Variants in PRDM1 observed in about 807,000 individuals in gnomAD.
The protein encoded by PRDM1 is PR/SET domain 1.
PRDM1 carries 13 observed loss-of-function variants against 62.8 expected under a neutral mutation model. That is an observed-to-expected ratio of 0.21 (90% CI 0.13 to 0.33). The LOEUF (loss-of-function observed/expected upper bound fraction) is 0.33. Among genes scored for constraint, PRDM1 ranks in the 10% least tolerant of loss-of-function variants. PRDM1 has a pLI of 1.00. For synonymous variants in PRDM1, 396 were observed against 417.6 expected (o/e 0.95, Z 0.63); for missense variants, 895 against 1,058.8 (o/e 0.85, Z 2.15).
rs774218047 is a variant in PRDM1, at chr6:106,099,394, G to T, written c.506G>T (p.Arg169Leu). 3 of 1,614,016 alleles carry T rather than the reference G, an allele frequency of 1.9e-6. No homozygotes were observed. The highest frequency in any genetic ancestry group is 2.5e-6 in the Non-Finnish European group (3 of 1,180,034). ...TATGTGAATCCAGCACACTCTCCCC[G>T]GGAGCAAAACCTGGCTGCGTGTCAG... ...MRYVNPAHSP[R>L]EQNLAACQNG... Residue 169 changes from arginine (R) to leucine (L), a missense_variant, in exon 4 of 7, where the codon CGG becomes CTG. Transcript: ENST00000369096.
intron 1 of PRDM1, among the ~76,000 whole-genome samples, chr6:106,074,800 C>T (rs1773576563): frequency 6.6e-6 from 1 of 152,164 alleles, no homozygotes; most frequent in Non-Finnish European, 1.5e-5. Flanking sequence ...CGTGGCGAAA[C>T]CCCATCTCTA....
At chr6:106,063,028 C>T (rs189465165) in intron 1 of PRDM1, among the ~76,000 whole-genome samples, 69 of 152,258 alleles carry the variant, frequency 4.5e-4, no homozygotes, top group Non-Finnish European at 3.4e-4. Flanking sequence ...CGTGGGTCCC[C>T]GCAGATTTAG....
At chr6:106,030,455 G>A (rs974702375) in intron 1 of PRDM1, among the ~76,000 whole-genome samples, 1 of 152,094 alleles carries the variant, frequency 6.6e-6, no homozygotes, top group African/African-American at 2.4e-5. Context: ...TTATAGCAGT[G>A]AGCCACCATA....
intron 2 of PRDM1, among the ~76,000 whole-genome samples, chr6:106,094,719 A>G (rs928009704): frequency 1.3e-5 from 2 of 151,948 alleles, no homozygotes; most frequent in East Asian, 3.9e-4. Context: ...GCTGGGCAAC[A>G]TGGTGAGACC....
At chr6:106,010,353 A>G (rs1463293823) in intron 1 of PRDM1, among the ~76,000 whole-genome samples, 1 of 152,252 alleles carries the variant, frequency 6.6e-6, no homozygotes, top group Non-Finnish European at 1.5e-5. Flanking sequence ...ATGCATAATC[A>G]TACATATTTT....
chr6:106,028,020 T>C (rs1332258401), intron 1 of PRDM1, among the ~76,000 whole-genome samples: 1 of 152,216 alleles, frequency 6.6e-6, no homozygotes, highest in East Asian at 1.9e-4. Flanking sequence ...TTATGTGCCT[T>C]GGAGAGCTCT....
Position 106,098,378 on chromosome 6 carries a change from A to T in PRDM1, c.412-922A>T, listed in dbSNP as rs1047264682. 4.1e-6 allele frequency: 4 copies of T among 985,264 alleles called. No individual in the cohort carries two copies. In the African/African-American group the frequency reaches 7.0e-5, roughly 17 times the overall value. The allele number at this position is 985,264 out of a possible 1,614,324, so 61.0% of individuals were successfully genotyped here. ...TTTCTTCTTCCTCTGCCTCTTTGCC[A>T]AGTAGCCTGAGTGCATCTGTTATCC... On this transcript the variant is annotated intron_variant, in intron 3 of 6. Coordinates refer to ENST00000369096, the MANE Select transcript of PRDM1 (RefSeq NM_001198.4).
intron 1 of PRDM1, among the ~76,000 whole-genome samples, chr6:106,003,974 G>C (rs1483477226): frequency 2.0e-5 from 3 of 152,138 alleles, no homozygotes; most frequent in Non-Finnish European, 2.9e-5. Flanking sequence ...ACCTTTCCTT[G>C]TGTAGGTATA....
chr6:106,017,127 C>T (rs1772632305), intron 1 of PRDM1, among the ~76,000 whole-genome samples: 1 of 152,036 alleles, frequency 6.6e-6, no homozygotes, highest in African/African-American at 2.4e-5. Context: ...TAATTGACTG[C>T]TTATGTTATT....
intron 1 of PRDM1, among the ~76,000 whole-genome samples, chr6:106,072,998 G>A (rs1182927835): frequency 6.6e-6 from 1 of 152,116 alleles, no homozygotes; most frequent in African/African-American, 2.4e-5. Flanking sequence ...TTCACCATGT[G>A]GCAATTAACA....
At chr6:106,029,496 A>G (rs575579070) in intron 1 of PRDM1, among the ~76,000 whole-genome samples, 47 of 152,354 alleles carry the variant, frequency 3.1e-4, no homozygotes, top group African/African-American at 9.6e-4. Flanking sequence ...TTCACTCAGT[A>G]TAATGATTTT....
At chr6:106,021,897 G>A (rs1772701038) in intron 1 of PRDM1, among the ~76,000 whole-genome samples, 1 of 152,232 alleles carries the variant, frequency 6.6e-6, no homozygotes, top group African/African-American at 2.4e-5. Flanking sequence ...TGGGATTACA[G>A]GCGTGAGCCA....
intron 1 of PRDM1, among the ~76,000 whole-genome samples, chr6:106,069,087 A>G (rs1203831194): frequency 6.6e-6 from 1 of 152,178 alleles, no homozygotes; most frequent in Non-Finnish European, 1.5e-5. Context: ...TTGGATGGTC[A>G]CTTTGCCTCT....
At chr6:106,007,441 A>G (rs1313140291) in intron 1 of PRDM1, among the ~76,000 whole-genome samples, 1 of 148,574 alleles carries the variant, frequency 6.7e-6, no homozygotes, top group Non-Finnish European at 1.5e-5. Context: ...AAAGAAAAAA[A>G]ACATTATTTG....
At chr6:106,037,521 T>A (rs184894143) in intron 1 of PRDM1, among the ~76,000 whole-genome samples, 7 of 152,294 alleles carry the variant, frequency 4.6e-5, no homozygotes, top group Admixed American at 4.6e-4. Flanking sequence ...CACAGGTCCC[T>A]TAGGCTCTTC....
rs1266731910 is a variant in PRDM1 at position 106,106,791 on chromosome 6, G to A, written c.1903-120G>A. 2.6e-6 allele frequency: 3 copies of A among 1,166,756 alleles called. No individual in the cohort carries two copies. The highest frequency in any genetic ancestry group is 3.6e-6 in the Non-Finnish European group (3 of 827,420). The allele number at this position is 1,166,756 out of a possible 1,614,324, so 72.3% of individuals were successfully genotyped here. On this transcript the variant is annotated intron_variant, in intron 6 of 6. Transcript: ENST00000369096. The surrounding 1 kb of genome is among the most constrained non-coding windows in gnomAD (Gnocchi z 4.4). The stretch of plus-strand genomic sequence containing the variant: ...TACCACACTGGAGGTGCCACAAGGA[G>A]GCTTCTCACCTCCTAGGTTGCTGGG...
At chr6:106,087,967 A>C in intron 1 of PRDM1, 1 of 254,748 alleles carries the variant, frequency 3.9e-6, no homozygotes, top group Non-Finnish European at 7.1e-6. Context: ...CCCCACAGTG[A>C]GGTTGCCACA....
intron 1 of PRDM1, among the ~76,000 whole-genome samples, chr6:106,066,318 A>G (rs1266529122): frequency 6.6e-6 from 1 of 152,188 alleles, no homozygotes; most frequent in Non-Finnish European, 1.5e-5. Flanking sequence ...CTAGCTGATC[A>G]TGTTTAAATG....
chr6:106,027,023 C>T (rs1419541785), intron 1 of PRDM1, among the ~76,000 whole-genome samples: 1 of 152,194 alleles, frequency 6.6e-6, no homozygotes. Context: ...TCTCTCAGCC[C>T]CCAGTACTCC....
Sources: allele counts gnomAD v4.1 joint callset (sites outside exome capture counted in the v4.1 genomes callset), GRCh38; gene constraint gnomAD v4.1.1; non-coding constraint Gnocchi (gnomAD v3.1); transcripts MANE v1.5; gene names NCBI Gene and HGNC (gene_info 2026-07-23, HGNC 2026-07-21).